Variants in SSPN observed in about 807,000 individuals in gnomAD.
SSPN encodes sarcospan.
A neutral mutation model predicts 19.1 loss-of-function variants in SSPN; 15 were observed. The ratio of observed to expected loss-of-function variants is 0.78; its 90% confidence interval spans 0.52 to 1.21. The LOEUF is 1.21. Among genes scored for constraint, SSPN ranks in the 50% most tolerant of loss-of-function variants. SSPN has a pLI of 0.00. For synonymous variants in SSPN, 147 were observed against 140.3 expected, an observed-to-expected ratio of 1.05 and a Z score of -0.34; for missense variants, 291 against 314.0, an observed-to-expected ratio of 0.93 and a Z score of 0.55.
intron 1 of SSPN, among the ~76,000 whole-genome samples, chr12:26,201,009 G>GTATATATATATTATATATATATTA: frequency 2.1e-5 from 1 of 47,386 alleles, no homozygotes; most frequent in African/African-American, 7.4e-5. Flanking sequence ...AAGTTAATTT[G>GTATATATATATTATATATATATTA]TGTATATATA....
At chr12:26,166,555 C>T (rs978163598) in intron 1 of SSPN, among the ~76,000 whole-genome samples, 3 of 152,244 alleles carry the variant, frequency 2.0e-5, no homozygotes, top group Admixed American at 2.0e-4. Context: ...CCTATTTTTA[C>T]ATCTCTAAGA....
intron 1 of SSPN, among the ~76,000 whole-genome samples, chr12:26,184,455 A>G (rs992937046): frequency 6.6e-6 from 1 of 152,260 alleles, no homozygotes; most frequent in African/African-American, 2.4e-5. Flanking sequence ...AGAAAGACAC[A>G]GTTCAATGGC....
intron 1 of SSPN, among the ~76,000 whole-genome samples, chr12:26,172,084 A>G (rs1944656650): frequency 6.6e-6 from 1 of 152,038 alleles, no homozygotes; most frequent in South Asian, 2.1e-4. Context: ...TATTTTTGTT[A>G]TTATTTTTTG....
At chr12:26,152,380 C>G (rs1944530960) in intron 1 of SSPN, among the ~76,000 whole-genome samples, 1 of 152,020 alleles carries the variant, frequency 6.6e-6, no homozygotes, top group African/African-American at 2.4e-5. Context: ...TTACTTTTGC[C>G]TAATATAATT....
intron 1 of SSPN, among the ~76,000 whole-genome samples, chr12:26,196,246 T>C (rs1229113054): frequency 6.6e-6 from 1 of 152,226 alleles, no homozygotes; most frequent in Admixed American, 6.5e-5. Flanking sequence ...TTGGTCAGAC[T>C]GAACAGCCTC....
chr12:26,157,381 C>A (rs969278300), intron 1 of SSPN, among the ~76,000 whole-genome samples: 1 of 152,184 alleles, frequency 6.6e-6, no homozygotes, highest in Admixed American at 6.5e-5. Flanking sequence ...CATTCTCATT[C>A]TTGGACCCTG....
At chr12:26,136,880 T>G (rs997246751) in intron 1 of SSPN, among the ~76,000 whole-genome samples, 22 of 152,218 alleles carry the variant, frequency 1.4e-4, no homozygotes, top group Non-Finnish European at 2.8e-4. Context: ...AGTTCCACAT[T>G]TATGTGCAAA....
At chr12:26,178,581 T>G (rs1944699210) in intron 1 of SSPN, among the ~76,000 whole-genome samples, 1 of 152,068 alleles carries the variant, frequency 6.6e-6, no homozygotes, top group Non-Finnish European at 1.5e-5. Context: ...GAATTCAGAA[T>G]TCATCAGTTG....
rs1945265586 is a variant in SSPN at position 26,234,454 on chromosome 12, A to G, written c.*3378A>G. On this transcript the variant is annotated 3_prime_UTR_variant, in exon 3 of 3. Coordinates refer to ENST00000242729, the MANE Select transcript of SSPN (RefSeq NM_005086.5). ...GTTTTTAGGTGTATATTGTGTATTC[A>G]GGATAGCATTAAAAAGAACTGATGG... The G allele has an allele frequency of 6.6e-6, 1 of 152,232 alleles. No individual in the cohort carries two copies. Among genetic ancestry groups the G allele is most frequent in the African/African-American group, 2.4e-5 (1 of 41,472 alleles). 9.4% of individuals were successfully genotyped at this position (152,232 alleles called of 1,614,324 possible).
intron 1 of SSPN, among the ~76,000 whole-genome samples, chr12:26,217,322 AT>A (rs1945064568): frequency 1.4e-5 from 2 of 140,286 alleles, no homozygotes; most frequent in South Asian, 2.5e-4. Context: ...TAGGTATTTT[AT>A]TCTCTTTGAA....
chr12:26,124,499 T>C, intron 1 of SSPN: 1 of 1,610,412 alleles, frequency 6.2e-7, no homozygotes, highest in South Asian at 1.1e-5. Flanking sequence ...TTATGAGGAA[T>C]ATCGGGAACT....
chr12:26,215,010 T>A (rs1945031729), intron 1 of SSPN, among the ~76,000 whole-genome samples: 1 of 152,198 alleles, frequency 6.6e-6, no homozygotes, highest in Non-Finnish European at 1.5e-5. Flanking sequence ...CAGCTGCTCA[T>A]ATTCACATCT....
intron 1 of SSPN, among the ~76,000 whole-genome samples, chr12:26,161,107 C>CAAA (rs35876807): frequency 3.6e-4 from 35 of 97,882 alleles, no homozygotes; most frequent in South Asian, 1.1e-3. Context: ...GACTCTGTCT[C>CAAA]AAAAAAAAAA....
In SSPN at chr12:26,195,734, C is replaced by A; in HGVS notation, c.62C>A (p.Ala21Asp). The change falls in exon 1 of 3, where the codon GCC becomes GAC. Residue 21 changes from alanine (A) to aspartate (D), a missense_variant. This residue lies in a region of SSPN where 139 missense variants were observed against 119.6 expected (regional missense o/e 1.16). Transcript: ENST00000242729. ...QRQGGPPAAD[A>D]AGPDDMEPKK... ...CAGGGGGGCCCGCCGGCCGCGGACG[C>A]CGCTGGGCCCGACGACATGGAGCCG... 6.8e-7 allele frequency: 1 copy of A among 1,470,722 alleles called. No homozygotes were observed. Among genetic ancestry groups the A allele is most frequent in the Non-Finnish European group, 9.0e-7 (1 of 1,116,826 alleles). 91.1% of individuals were successfully genotyped at this position (1,470,722 alleles called of 1,614,324 possible). A position where few individuals can be genotyped will look rare whatever the true frequency, so the allele number is the denominator to read the frequency against.
chr12:26,203,528 C>G (rs374818161), intron 1 of SSPN, among the ~76,000 whole-genome samples: 24 of 152,184 alleles, frequency 1.6e-4, no homozygotes, highest in Non-Finnish European at 1.2e-4. Context: ...CTTTCAGATG[C>G]TTTGGATGCA....
At chr12:26,145,789 C>G (rs556775229) in intron 1 of SSPN, among the ~76,000 whole-genome samples, 12 of 152,250 alleles carry the variant, frequency 7.9e-5, no homozygotes, top group African/African-American at 2.6e-4. Context: ...CCCTCGTGCC[C>G]CTCTGAGTAA....
intron 1 of SSPN, among the ~76,000 whole-genome samples, chr12:26,127,741 C>CT (rs1301224801): frequency 3.9e-5 from 6 of 151,900 alleles, no homozygotes; most frequent in African/African-American, 1.2e-4. Flanking sequence ...GCTTTTTGCC[C>CT]TTTTTTTTCT....
intron 1 of SSPN, among the ~76,000 whole-genome samples, chr12:26,189,131 T>C (rs1944772421): frequency 6.6e-6 from 1 of 152,104 alleles, no homozygotes; most frequent in South Asian, 2.1e-4. Context: ...TATGTAAGAG[T>C]ACTTCATAGC....
At chr12:26,123,765 G>A (rs779616171) in intron 1 of SSPN, 1 of 1,495,206 alleles carries the variant, frequency 6.7e-7, no homozygotes, top group Non-Finnish European at 9.3e-7. Context: ...AAAAAGAAAC[G>A]GGCACTTGGT....
Sources: gnomAD v4.1 joint callset for allele counts (sites outside exome capture counted in the v4.1 genomes callset) on GRCh38, gnomAD v4.1.1 for gene constraint, gnomAD v4.1.1 regional missense constraint, MANE v1.5 for transcripts, NCBI Gene and HGNC (gene_info 2026-07-23, HGNC 2026-07-21) for gene names.